Variants in FBXO8 observed in about 807,000 individuals in gnomAD.
FBXO8 encodes F-box protein 8.
FBXO8 carries 15 observed loss-of-function variants against 33.4 expected under a neutral mutation model. The ratio of observed to expected loss-of-function variants is 0.45; its 90% CI spans 0.30 to 0.69. The LOEUF is 0.69. Ranked by LOEUF, FBXO8 falls within the 30% of genes least tolerant of loss-of-function variation. The probability of loss-of-function intolerance (pLI) is 0.08; values close to 1 mark genes in which losing one functional copy is unlikely to be tolerated. For missense variants in FBXO8, 274 were observed against 380.3 expected, an observed-to-expected ratio of 0.72 and a Z score of 2.32; for synonymous variants, 132 against 131.5, an observed-to-expected ratio of 1.00 and a Z score of -0.02.
intron 1 of FBXO8, among the ~76,000 whole-genome samples, chr4:174,282,283 C>A (rs1182309847): frequency 1.3e-5 from 2 of 151,872 alleles, no homozygotes; most frequent in African/African-American, 4.8e-5. Flanking sequence ...ATCCAAGGGC[C>A]CCAAGTAATA....
intron 2 of FBXO8, among the ~76,000 whole-genome samples, chr4:174,260,997 T>C (rs986771194): frequency 1.3e-5 from 2 of 151,908 alleles, no homozygotes; most frequent in African/African-American, 4.8e-5. Context: ...GCATATAACA[T>C]CAAAAATTGT....
At chr4:174,264,273 C>T (rs1736637182) in intron 1 of FBXO8, among the ~76,000 whole-genome samples, 1 of 151,784 alleles carries the variant, frequency 6.6e-6, no homozygotes, top group Non-Finnish European at 1.5e-5. Context: ...AAAAACAAAC[C>T]AACAACAGTG....
At chr4:174,258,792 T>G (rs1736474756) in intron 3 of FBXO8, among the ~76,000 whole-genome samples, 2 of 152,066 alleles carry the variant, frequency 1.3e-5, no homozygotes, top group South Asian at 4.1e-4. Context: ...TCAAATATTT[T>G]ACATAGGAGA....
rs1736185508 is a variant in FBXO8 at position 174,247,448 on chromosome 4, C to T, written c.457-6230G>A. Among the ~76,000 whole-genome samples the T allele has an allele frequency of 6.6e-6, 1 of 151,752 alleles. No homozygotes were observed. The highest frequency in any genetic ancestry group is 6.6e-5 in the Admixed American group (1 of 15,206). On this transcript the variant is annotated intron_variant, in intron 3 of 5. Transcript: ENST00000393674. The surrounding 1 kb of genome is among the most constrained non-coding windows in gnomAD (Gnocchi z 4.6). ...TCAGGTCATCAAACTGCCCTTAGAC[C>T]ATTATATAATAGAAAGCCAATTGGA...
At chr4:174,258,716 A>T (rs1736472234) in intron 3 of FBXO8, among the ~76,000 whole-genome samples, 1 of 152,018 alleles carries the variant, frequency 6.6e-6, no homozygotes, top group Non-Finnish European at 1.5e-5. Context: ...AAATCAATTG[A>T]TTAGAAAAAG....
rs1736579313 is a variant in FBXO8 at position 174,262,180 on chromosome 4, T to G, written c.329+584A>C. On this transcript the variant is annotated intron_variant, in intron 2 of 5. Transcript: ENST00000393674. The surrounding 1 kb of genome is among the most constrained non-coding windows in gnomAD (Gnocchi z 4.6). ...TAAATAAAAACAACTATTTGTCCCC[T>G]TGCTTTCTAATATTTGCCTACTTCA... is the stretch of plus-strand genomic sequence containing the variant. 6.6e-6 allele frequency among the ~76,000 whole-genome samples: 1 copy of G among 152,152 alleles called. No homozygotes were observed. The highest frequency in any genetic ancestry group is 1.5e-5 in the Non-Finnish European group (1 of 68,004).
Position 174,255,938 on chromosome 4 carries a change from T to A in FBXO8, c.456+3761A>T. ...TAGAATGTGGCCACCTGCCACAAAG[T>A]ACACAAGCTCATGCACAAGATCAAG... On this transcript the variant is annotated intron_variant, in intron 3 of 5. Transcript: ENST00000393674. This position sits in a 1 kb window ranked among gnomAD's most constrained non-coding sequence, Gnocchi z 4.3. The A allele has an allele frequency of 3.5e-6, 1 of 284,074 alleles. No homozygotes were observed. Among genetic ancestry groups the A allele is most frequent in the Middle Eastern group, 4.2e-4 (1 of 2,356 alleles). 17.6% of individuals were successfully genotyped at this position (284,074 alleles called of 1,614,324 possible).
At position 174,251,360 on chromosome 4, in the gene FBXO8, G is replaced by A. The variant is rs1382934915; in HGVS notation, c.456+8339C>T. Among the ~76,000 whole-genome samples the A allele has an allele frequency of 6.6e-6, 1 of 152,070 alleles. No homozygotes were observed. The highest frequency in any genetic ancestry group is 1.5e-5 in the Non-Finnish European group (1 of 68,006). ...AGATAAAGATTAGAAGAGGGCCTCG[G>A]AAATTTGTCTTTCTTTCAAGTTTCT... On this transcript the variant is annotated intron_variant, in intron 3 of 5. Transcript: ENST00000393674. The surrounding 1 kb of genome is among the most constrained non-coding windows in gnomAD (Gnocchi z 4.2).
intron 1 of FBXO8, among the ~76,000 whole-genome samples, chr4:174,280,445 A>G (rs2126453702): frequency 6.6e-6 from 1 of 152,298 alleles, no homozygotes; most frequent in East Asian, 1.9e-4. Flanking sequence ...AAAAAAATTA[A>G]AAACAGAATT....
Position 174,281,390 on chromosome 4 carries a change from T to C in FBXO8, c.-9+2020A>G, listed in dbSNP as rs1324629592. ...CTAAACTCCAAACCACAAATATTTT[T>C]ATCTTATATTGCTATAAAGTACTTG... On this transcript the variant is annotated intron_variant, in intron 1 of 5. Transcript: ENST00000393674. The surrounding 1 kb of genome is among the most constrained non-coding windows in gnomAD (Gnocchi z 4.6). Among the ~76,000 whole-genome samples, 2 of 152,218 alleles carry C rather than the reference T, an allele frequency of 1.3e-5. No homozygotes were observed. Among genetic ancestry groups the C allele is most frequent in the African/African-American group, 4.8e-5 (2 of 41,452 alleles).
At position 174,239,433 on chromosome 4, in the gene FBXO8, A is replaced by G. The variant is rs567799735; in HGVS notation, c.576-243T>C. ...AAATGAAACAAGGTAAAACCTAGTA[A>G]TTTTACTTCTAAAATGAAGAAAAAA... is the stretch of plus-strand genomic sequence containing the variant. On this transcript the variant is annotated intron_variant, in intron 4 of 5. Coordinates refer to ENST00000393674, the MANE Select transcript of FBXO8 (RefSeq NM_012180.3). Among the ~76,000 whole-genome samples the G allele has an allele frequency of 2.0e-5, 3 of 151,982 alleles. No individual in the cohort carries two copies. In the East Asian group the frequency reaches 5.8e-4, roughly 29 times the overall value.
rs1407237912 is a variant in FBXO8, at chr4:174,272,340, G to T, written c.-8-9240C>A. Among the ~76,000 whole-genome samples the T allele has an allele frequency of 6.6e-6, 1 of 152,090 alleles. No individual in the cohort carries two copies. Among genetic ancestry groups the T allele is most frequent in the Non-Finnish European group, 1.5e-5 (1 of 68,018 alleles). On this transcript the variant is annotated intron_variant, in intron 1 of 5. Coordinates refer to ENST00000393674, the MANE Select transcript of FBXO8 (RefSeq NM_012180.3). This position sits in a 1 kb window ranked among gnomAD's most constrained non-coding sequence, Gnocchi z 4.7. ...TCCTGTATACTTTAAATCATCTCTA[G>T]ATTACTTATAACATCCAATAAGATG...
intron 2 of FBXO8, among the ~76,000 whole-genome samples, chr4:174,260,259 C>T (rs1396194): frequency 0.99 from 150,550 of 152,136 alleles, 74,506 homozygotes; most frequent in Middle Eastern, 1. Context: ...CAAGATCATA[C>T]GGCTAATATG....
intron 1 of FBXO8, among the ~76,000 whole-genome samples, chr4:174,276,749 ATC>A (rs939166860): frequency 2.6e-5 from 4 of 152,300 alleles, no homozygotes; most frequent in African/African-American, 9.6e-5. Context: ...ATATACTATA[ATC>A]TCTGTTTTAC....
chr4:174,239,677 T>C lies in FBXO8; in HGVS notation c.576-487A>G, dbSNP rs201870989. 6.6e-5 allele frequency among the ~76,000 whole-genome samples: 10 copies of C among 152,016 alleles called. No individual in the cohort carries two copies. In the East Asian group the frequency reaches 1.9e-3, roughly 29 times the overall value. ...ATAATTTGTTTTTGCTTTTTTCACA[T>C]AGTATATTGTGGACAGCTTTGTATA... On this transcript the variant is annotated intron_variant, in intron 4 of 5. Coordinates refer to ENST00000393674, the MANE Select transcript of FBXO8 (RefSeq NM_012180.3).
intron 1 of FBXO8, among the ~76,000 whole-genome samples, chr4:174,280,387 G>A (rs1737053395): frequency 6.6e-6 from 1 of 152,104 alleles, no homozygotes; most frequent in African/African-American, 2.4e-5. Flanking sequence ...TAATGTGAAT[G>A]TAATACGTAT....
In FBXO8 at chr4:174,263,133, A is replaced by T. The variant is rs893010509; in HGVS notation, c.-8-33T>A. ...AAAGCCAGAATGTAATAAGGGTGACATTTAAAAAGTAACCCATTTTTCCCA... is the reference window on the plus strand; with the variant it reads ...AAAGCCAGAATGTAATAAGGGTGACTTTTAAAAAGTAACCCATTTTTCCCA... On this transcript the variant is annotated intron_variant, in intron 1 of 5. Coordinates refer to ENST00000393674, the MANE Select transcript of FBXO8 (RefSeq NM_012180.3). This position sits in a 1 kb window ranked among gnomAD's most constrained non-coding sequence, Gnocchi z 4.2. 5 of 1,566,768 alleles carry T rather than the reference A, an allele frequency of 3.2e-6. No individual in the cohort carries two copies. Among genetic ancestry groups the T allele is most frequent in the East Asian group, 2.3e-5 (1 of 44,170 alleles).
In FBXO8 at chr4:174,239,012, C is replaced by G. The variant is rs760511767; in HGVS notation, c.754G>C (p.Glu252Gln). The G allele has an allele frequency of 1.3e-6, 2 of 1,563,436 alleles. No homozygotes were observed. The highest frequency in any genetic ancestry group is 1.4e-5 in the African/African-American group (1 of 72,444). The change falls in exon 5 of 6, where the codon GAA (glutamate) becomes CAA (glutamine). Residue 252 changes from glutamate (E) to glutamine (Q), a missense_variant. By Grantham distance (29) the Glu-to-Gln change is conservative. Around this residue, in one of 2 missense-constraint regions of FBXO8, gnomAD observed 186 missense variants for 293.4 expected, o/e 0.63. Coordinates refer to ENST00000393674, the MANE Select transcript of FBXO8 (RefSeq NM_012180.3). The part of the protein sequence containing the change: ...FCACNPDLMR[E>Q]LGLSPDAVYV... ...TTCTTACCAGGACTAAGGCCAAGTT[C>G]TCGCATTAAATCAGGGTTGCAAGCA...
In FBXO8 at chr4:174,277,735, G is replaced by C. The variant is rs142624639; in HGVS notation, c.-9+5675C>G. 7.2e-5 allele frequency among the ~76,000 whole-genome samples: 11 copies of C among 152,170 alleles called. No homozygotes were observed. The highest frequency in any genetic ancestry group is 2.6e-4 in the African/African-American group (11 of 41,526). On this transcript the variant is annotated intron_variant, in intron 1 of 5. Coordinates refer to ENST00000393674, the MANE Select transcript of FBXO8 (RefSeq NM_012180.3). The surrounding 1 kb of genome is among the most constrained non-coding windows in gnomAD (Gnocchi z 4.9). ...TCAGTATTTCTTAGTTGTCTAAATA[G>C]TGGAATTTATAAGTAAATGTCCTGT...
Sources: allele counts gnomAD v4.1 joint callset (sites outside exome capture counted in the v4.1 genomes callset), GRCh38; gene constraint gnomAD v4.1.1; regional missense constraint gnomAD v4.1.1; non-coding constraint Gnocchi (gnomAD v3.1); transcripts MANE v1.5; gene names NCBI Gene and HGNC (gene_info 2026-07-23, HGNC 2026-07-21).